DNPEP: variants seen among roughly 807,000 people sequenced by gnomAD.
The protein encoded by DNPEP is aspartyl aminopeptidase.
In DNPEP, 46 loss-of-function variants were observed where a neutral mutation model predicts 59.1. The observed-to-expected ratio is 0.78, with a 90% CI of 0.61 to 0.99. DNPEP has a LOEUF of 0.99. Among genes scored for constraint, DNPEP ranks in the 50% least tolerant of loss-of-function variants. DNPEP has a pLI of 0.00. For missense variants in DNPEP, 617 were observed against 649.9 expected (o/e 0.95, Z 0.55); for synonymous variants, 229 against 242.2 (o/e 0.95, Z 0.50).
intron 11 of DNPEP, 38 bp downstream of exon 11, chr2:219,381,941 G>A: frequency 3.1e-6 from 5 of 1,608,230 alleles, no homozygotes; most frequent in Non-Finnish European, 3.4e-6. Context: ...TGGGTCTCCA[G>A]CTATGTGAAG....
At chr2:219,374,790 C>T (rs1953301188) in intron 14 of DNPEP, 65 bp downstream of exon 14, 5 of 1,558,456 alleles carry the variant, frequency 3.2e-6, no homozygotes, top group Non-Finnish European at 4.4e-6. Flanking sequence ...GTTGTCCCAG[C>T]AACCAATCCA....
At chr2:219,398,443 G>GT (rs1436526208) in intron 1 of DNPEP, among the ~76,000 whole-genome samples, 4 of 152,152 alleles carry the variant, frequency 2.6e-5, no homozygotes, top group Non-Finnish European at 5.9e-5. Flanking sequence ...TGAGGTCAGG[G>GT]GTTCGAGGCC....
At chr2:219,391,297 G>A (rs141968588), upstream of DNPEP, among the ~76,000 whole-genome samples, 396 of 152,252 alleles carry the variant, frequency 2.6e-3, no homozygotes, top group African/African-American at 9.1e-3. Context: ...AACTTTGGGG[G>A]TATGTTTGCA....
chr2:219,377,681 T>C (rs1447942730), intron 13 of DNPEP, among the ~76,000 whole-genome samples: 1 of 152,124 alleles, frequency 6.6e-6, no homozygotes, highest in Admixed American at 6.5e-5. Flanking sequence ...CCTAGCACTT[T>C]GGGAGGCCAA....
At chr2:219,389,832 C>CAATCAATAAATAAATAAATAAATA (rs1553601737), upstream of DNPEP, among the ~76,000 whole-genome samples, 69 of 143,030 alleles carry the variant, frequency 4.8e-4, no homozygotes, top group East Asian at 0.014. Flanking sequence ...GATTCTGTCT[C>CAATCAATAAATAAATAAATAAATA]AATAAATAAA....
chr2:219,393,479 C>T (rs1575000432), upstream of DNPEP: 1 of 152,240 alleles, frequency 6.6e-6, no homozygotes, highest in East Asian at 1.9e-4. Flanking sequence ...AGGGTTTCAC[C>T]ATGTTGGCCA....
chr2:219,390,838 A>C (rs1279514297), upstream of DNPEP, among the ~76,000 whole-genome samples: 1 of 152,240 alleles, frequency 6.6e-6, no homozygotes, highest in South Asian at 2.1e-4. Flanking sequence ...CTCAAAAAAA[A>C]AATTAATAAA....
intron 1 of DNPEP, among the ~76,000 whole-genome samples, chr2:219,398,521 A>G (rs1559346991): frequency 6.6e-6 from 1 of 152,138 alleles, no homozygotes; most frequent in African/African-American, 2.4e-5. Flanking sequence ...GTGGTGGTAC[A>G]TGCCTGTAAT....
In DNPEP at chr2:219,381,455, A is replaced by C; in HGVS notation, c.1138-19T>G. The C allele has an allele frequency of 1.9e-6, 3 of 1,614,154 alleles. No homozygotes were observed. Among genetic ancestry groups the C allele is most frequent in the Non-Finnish European group, 2.5e-6 (3 of 1,179,990 alleles). On this transcript the variant is annotated intron_variant, in intron 12 of 14. Coordinates refer to ENST00000273075, the MANE Select transcript of DNPEP (RefSeq NM_012100.4). The stretch of plus-strand genomic sequence containing the variant: ...CGGGGCCCTGGGGAGAGTCAAGGTG[A>C]GGCAGAGGTAATGACAGGCCCAAAG...
Position 219,387,330 on chromosome 2 carries a change from G to A in DNPEP, c.37-167C>T, listed in dbSNP as rs12468933. On this transcript the variant is annotated intron_variant, in intron 1 of 14. Transcript: ENST00000273075. ...GACCCAAACCCAGGGCTGAAACTCC[G>A]TTGAAAGCTTCAGCCCGCCGGCCCA... 4.8e-3 allele frequency: 6,887 copies of A among 1,443,166 alleles called. 260 individuals are homozygous for A. In the African/African-American group the frequency reaches 0.082, roughly 17 times the overall value. 89.4% of individuals were successfully genotyped at this position (1,443,166 alleles called of 1,614,324 possible). A position where few individuals can be genotyped will look rare whatever the true frequency, so the allele number is the denominator to read the frequency against.
chr2:219,386,451 CGATAT>C, intron 4 of DNPEP, 40 bp from the exon 5 acceptor site: 1 of 1,612,866 alleles, frequency 6.2e-7, no homozygotes, highest in Non-Finnish European at 8.5e-7. Context: ...GGCTTCATGA[CGATAT>C]GTGGAGATGA....
At chr2:219,386,198 C>A (rs1035551628) in intron 5 of DNPEP, 88 bp downstream of exon 5, 8 of 1,608,866 alleles carry the variant, frequency 5.0e-6, no homozygotes, top group African/African-American at 1.3e-5. Flanking sequence ...GACCAGACTG[C>A]CCCCACCCCT....
At chr2:219,385,902 T>G (rs374562682) in intron 6 of DNPEP, 66 bp downstream of exon 6, 1 of 1,587,276 alleles carries the variant, frequency 6.3e-7, no homozygotes. Context: ...TGGCTACCAT[T>G]AGGTAATAAT....
Position 219,386,111 on chromosome 2 carries a change from A to G in DNPEP, c.460-13T>C, listed in dbSNP as rs757878048. 1 of 1,613,280 alleles carries G rather than the reference A, an allele frequency of 6.2e-7. No individual in the cohort carries two copies. Among genetic ancestry groups the G allele is most frequent in the East Asian group, 2.2e-5 (1 of 44,870 alleles). On this transcript the variant is annotated splice_polypyrimidine_tract_variant and intron_variant, in intron 5 of 14. Coordinates refer to ENST00000273075, the MANE Select transcript of DNPEP (RefSeq NM_012100.4). ...CTGAGGTAGGGCACTGCAGCCAGCC[A>G]GGCCAGGTCAGCCCAGGGTGCCTCC...
At chr2:219,382,825 C>T (rs550372637) in intron 10 of DNPEP, among the ~76,000 whole-genome samples, 23 of 152,342 alleles carry the variant, frequency 1.5e-4, no homozygotes, top group African/African-American at 5.5e-4. Context: ...GCCTCACACA[C>T]GCAGGCATCA....
Position 219,386,705 on chromosome 2 carries a change from A to C in DNPEP, c.293T>G (p.Phe98Cys), listed in dbSNP as rs1228163929. 1 of 1,613,074 alleles carries C rather than the reference A, an allele frequency of 6.2e-7. No homozygotes were observed. Among genetic ancestry groups the C allele is most frequent in the Admixed American group, 1.7e-5 (1 of 59,936 alleles). The change falls in exon 4 of 15, where the codon TTC (phenylalanine) becomes TGC (cysteine). Residue 98 changes from phenylalanine to cysteine, a missense_variant. By Grantham distance (205) the Phe-to-Cys change is radical. Transcript: ENST00000273075. The part of the protein sequence containing the change: ...VGGQYVPGNG[F>C]SLIGAHTDSP... Reference sequence around the variant, plus strand: ...GTCCGTGTGGGCCCCGATGAGGCTGAAGCCATTGCCAGGAACGTACTGGCC... The same window carrying C: ...GTCCGTGTGGGCCCCGATGAGGCTGCAGCCATTGCCAGGAACGTACTGGCC...
chr2:219,385,564 T>C (rs1379295412), intron 7 of DNPEP, 33 bp from the exon 8 acceptor site: 3 of 1,607,700 alleles, frequency 1.9e-6, no homozygotes, highest in Non-Finnish European at 2.6e-6. Flanking sequence ...GAAGAGTCCA[T>C]TCCTCCTCTC....
chr2:219,385,519 G>C lies in DNPEP; in HGVS notation c.679C>G (p.His227Asp). 6.2e-7 allele frequency: 1 copy of C among 1,602,786 alleles called. No homozygotes were observed. The highest frequency in any genetic ancestry group is 8.5e-7 in the Non-Finnish European group (1 of 1,170,728). Reference sequence around the variant, plus strand: ...CAGAGCAGGGACATGAGGACCGAATGGTGCCGCTCATCCTGAAGAGCAGAA... The same window carrying C: ...CAGAGCAGGGACATGAGGACCGAATCGTGCCGCTCATCCTGAAGAGCAGAA... ...GPLNAVDERH[H>D]SVLMSLLCAH... The change falls in exon 8 of 15, where the codon CAT (histidine) becomes GAT (aspartate). Residue 227 changes from histidine to aspartate, a missense_variant. Transcript: ENST00000273075.
chr2:219,374,214 A>T lies in DNPEP; in HGVS notation c.*78T>A. 7.4e-7 allele frequency: 1 copy of T among 1,356,700 alleles called. No homozygotes were observed. Among genetic ancestry groups the T allele is most frequent in the South Asian group, 1.2e-5 (1 of 85,386 alleles). 84.0% of individuals were successfully genotyped at this position (1,356,700 alleles called of 1,614,324 possible). On this transcript the variant is annotated 3_prime_UTR_variant, in exon 15 of 15. Coordinates refer to ENST00000273075, the MANE Select transcript of DNPEP (RefSeq NM_012100.4). ...GAGAGTCTGAGTGACAATCCACTTTAATAATCCAGCTTCAGCTCAGCTGAG... is the reference window on the plus strand; with the variant it reads ...GAGAGTCTGAGTGACAATCCACTTTTATAATCCAGCTTCAGCTCAGCTGAG...
Sources: allele counts gnomAD v4.1 joint callset (sites outside exome capture counted in the v4.1 genomes callset), GRCh38; gene constraint gnomAD v4.1.1; transcripts MANE v1.5; gene names NCBI Gene and HGNC (gene_info 2026-07-23, HGNC 2026-07-21).